EPHA5: variants seen among roughly 807,000 people sequenced by gnomAD.
EPHA5 encodes the protein EPH receptor A5, also known as ephrin type-A receptor 5.
Under a neutral mutation model 105.0 loss-of-function variants are expected in EPHA5, and 60 were observed. The ratio of observed to expected loss-of-function variants is 0.57; its 90% CI spans 0.46 to 0.71. The LOEUF is 0.71. Among genes scored for constraint, EPHA5 ranks in the 30% least tolerant of loss-of-function variants. EPHA5 has a pLI of 0.00. For missense variants in EPHA5, 1,218 were observed against 1,274.7 expected, an observed-to-expected ratio of 0.96 and a Z score of 0.68; for synonymous variants, 513 against 449.1, an observed-to-expected ratio of 1.14 and a Z score of -1.80.
chr4:65,457,984 G>A (rs1727761159), intron 5 of EPHA5, among the ~76,000 whole-genome samples: 1 of 146,374 alleles, frequency 6.8e-6, no homozygotes, highest in Admixed American at 7.1e-5. Context: ...TGAGGCAGGA[G>A]AATCGCTTGA....
intron 1 of EPHA5, among the ~76,000 whole-genome samples, chr4:65,666,448 G>C (rs192403058): frequency 6.6e-6 from 1 of 152,300 alleles, no homozygotes; most frequent in African/African-American, 2.4e-5. Flanking sequence ...ACAGCAAAAA[G>C]TGGCAGCTAC....
At position 65,323,747 on chromosome 4, in the gene EPHA5, A is replaced by G. The variant is rs186366641; in HGVS notation, c.*367T>C. On this transcript the variant is annotated 3_prime_UTR_variant, in exon 17 of 17. Transcript: ENST00000613740. ...GGCTATAAAACATTTCCTTTCAAGT[A>G]GATCCCTGGAAGTTTTGAAAGGGGT... The G allele has an allele frequency of 1.9e-3, 434 of 232,560 alleles. 3 individuals carry two copies. The highest frequency in any genetic ancestry group is 9.3e-3 in the African/African-American group (421 of 45,346). 14.4% of individuals were successfully genotyped at this position (232,560 alleles called of 1,614,324 possible). A position where few individuals can be genotyped will look rare whatever the true frequency, so the allele number is the denominator to read the frequency against.
chr4:65,608,524 A>AAAAAAAGT (rs1744461978), intron 2 of EPHA5, among the ~76,000 whole-genome samples: 1 of 152,148 alleles, frequency 6.6e-6, no homozygotes. Context: ...AGAAAAAAAG[A>AAAAAAAGT]AAAAAGAAAA....
chr4:65,425,593 C>A (rs1049677914), intron 5 of EPHA5, among the ~76,000 whole-genome samples: 4 of 151,678 alleles, frequency 2.6e-5, no homozygotes, highest in African/African-American at 4.8e-5. Flanking sequence ...AGGATTAATT[C>A]TTCTTTTTAA....
intron 3 of EPHA5, among the ~76,000 whole-genome samples, chr4:65,578,867 T>C (rs1741328158): frequency 6.6e-6 from 1 of 152,080 alleles, no homozygotes; most frequent in Non-Finnish European, 1.5e-5. Flanking sequence ...CCTATAATTA[T>C]AAGTTTATTG....
chr4:65,443,846 A>G (rs571739044), intron 5 of EPHA5, among the ~76,000 whole-genome samples: 1 of 152,204 alleles, frequency 6.6e-6, no homozygotes, highest in East Asian at 1.9e-4. Context: ...AGAGTAGCCT[A>G]TAGTAGGATG....
chr4:65,520,685 A>C (rs2149279197), intron 3 of EPHA5, among the ~76,000 whole-genome samples: 1 of 152,278 alleles, frequency 6.6e-6, no homozygotes, highest in Admixed American at 6.5e-5. Context: ...TTACAAGAAA[A>C]AAAACAACCC....
intron 3 of EPHA5, among the ~76,000 whole-genome samples, chr4:65,513,893 C>T (rs62300362): frequency 6.6e-6 from 1 of 152,160 alleles, no homozygotes; most frequent in Non-Finnish European, 1.5e-5. Context: ...GAATCTTCCT[C>T]TTTGTATAAC....
At chr4:65,483,381 T>A (rs1430738816) in intron 5 of EPHA5, among the ~76,000 whole-genome samples, 1 of 152,168 alleles carries the variant, frequency 6.6e-6, no homozygotes, top group Admixed American at 6.5e-5. Flanking sequence ...TACCCAGTAA[T>A]GGGATGGCTG....
chr4:65,612,308 C>A (rs959913142), intron 2 of EPHA5, among the ~76,000 whole-genome samples: 1 of 152,038 alleles, frequency 6.6e-6, no homozygotes, highest in African/African-American at 2.4e-5. Flanking sequence ...AGTAATTTCT[C>A]ATCCCTCATC....
At chr4:65,326,929 C>T (rs1337544141) in intron 16 of EPHA5, among the ~76,000 whole-genome samples, 2 of 151,178 alleles carry the variant, frequency 1.3e-5, no homozygotes, top group Non-Finnish European at 3.0e-5. Context: ...GGAATTTATA[C>T]AATCACAAAA....
At chr4:65,483,919 C>T (rs1041996599) in intron 5 of EPHA5, among the ~76,000 whole-genome samples, 1 of 152,030 alleles carries the variant, frequency 6.6e-6, no homozygotes, top group Non-Finnish European at 1.5e-5. Context: ...CAACTAGAGC[C>T]GTCATAAAGA....
At chr4:65,439,186 T>C (rs752185334) in intron 5 of EPHA5, among the ~76,000 whole-genome samples, 7 of 152,230 alleles carry the variant, frequency 4.6e-5, no homozygotes, top group South Asian at 4.1e-4. Context: ...CACCATACTA[T>C]ATAATAGGAG....
rs143567173 is a variant in EPHA5, at chr4:65,518,766, A to G, written c.911-23223T>C. Among the ~76,000 whole-genome samples the G allele has an allele frequency of 3.5e-4, 54 of 152,218 alleles. 1 individual carries two copies. The East Asian group carries it at 9.9e-3, about 28-fold the overall frequency. Reference sequence around the variant, plus strand: ...GCAAAGGATACAAGACTAAACCAGGAAGAAGTTGAATCCCTGAGTACAACA... The same window carrying G: ...GCAAAGGATACAAGACTAAACCAGGGAGAAGTTGAATCCCTGAGTACAACA... On this transcript the variant is annotated intron_variant, in intron 3 of 16. Transcript: ENST00000613740.
chr4:65,434,069 AT>A, intron 5 of EPHA5, among the ~76,000 whole-genome samples: 1 of 152,196 alleles, frequency 6.6e-6, no homozygotes, highest in East Asian at 1.9e-4. Context: ...AAATAAAAAA[AT>A]TAAAAAATAG....
At chr4:65,458,584 C>A (rs1003294858) in intron 5 of EPHA5, among the ~76,000 whole-genome samples, 2 of 152,050 alleles carry the variant, frequency 1.3e-5, no homozygotes, top group Non-Finnish European at 2.9e-5. Context: ...ATTTATTAAT[C>A]TTCCTAATAA....
intron 6 of EPHA5, among the ~76,000 whole-genome samples, chr4:65,415,971 A>T (rs991665007): frequency 1.3e-5 from 2 of 152,008 alleles, no homozygotes; most frequent in African/African-American, 4.8e-5. Flanking sequence ...TGATAATATT[A>T]TTTATTATTT....
chr4:65,522,474 C>A (rs1196294093), intron 3 of EPHA5, among the ~76,000 whole-genome samples: 1 of 151,870 alleles, frequency 6.6e-6, no homozygotes, highest in African/African-American at 2.4e-5. Flanking sequence ...TTCTTCAAAC[C>A]TAGTCGGCCA....
intron 8 of EPHA5, among the ~76,000 whole-genome samples, chr4:65,385,808 A>AC (rs1298145400): frequency 1.3e-5 from 2 of 151,808 alleles, no homozygotes; most frequent in East Asian, 3.9e-4. Flanking sequence ...CTCCAACAGG[A>AC]ATTTACCTGA....
Sources: allele counts gnomAD v4.1 joint callset (sites outside exome capture counted in the v4.1 genomes callset), GRCh38; gene constraint gnomAD v4.1.1; transcripts MANE v1.5; gene names NCBI Gene and HGNC (gene_info 2026-07-23, HGNC 2026-07-21).